CAPRIN1: variants seen among roughly 807,000 people sequenced by gnomAD.
CAPRIN1 encodes the protein caprin-1.
Under a neutral mutation model 100.9 loss-of-function variants are expected in CAPRIN1, and 29 were observed. That is an observed-to-expected ratio of 0.29 (90% CI 0.21 to 0.39). The LOEUF (loss-of-function observed/expected upper bound fraction) is 0.39. Among genes scored for constraint, CAPRIN1 ranks in the 10% least tolerant of loss-of-function variants. The pLI is 1.00. For synonymous variants in CAPRIN1, 338 were observed against 307.5 expected (o/e 1.10, Z -1.04); for missense variants, 795 against 876.7 (o/e 0.91, Z 1.18).
At chr11:34,062,340 A>G (rs1174536319) in intron 2 of CAPRIN1, among the ~76,000 whole-genome samples, 4 of 152,084 alleles carry the variant, frequency 2.6e-5, no homozygotes, top group Non-Finnish European at 2.9e-5. Flanking sequence ...ACTGGTAAAG[A>G]TTGGACCGGG....
At chr11:34,098,858 G>T (rs1371930236) in intron 18 of CAPRIN1, 1 of 988,678 alleles carries the variant, frequency 1.0e-6, no homozygotes, top group Non-Finnish European at 1.2e-6. Context: ...AGGTAATAAG[G>T]TCTGTTTTCA....
chr11:34,059,270 G>GTTTT (rs776890676), intron 2 of CAPRIN1, among the ~76,000 whole-genome samples: 3 of 137,494 alleles, frequency 2.2e-5, no homozygotes, highest in African/African-American at 8.0e-5. Flanking sequence ...TCTTGACATT[G>GTTTT]TTTTTTTTTT....
chr11:34,071,819 T>G, intron 3 of CAPRIN1, 31 bp downstream of exon 3: 1 of 1,577,802 alleles, frequency 6.3e-7, no homozygotes, highest in Non-Finnish European at 8.7e-7. Context: ...ATTTTAGACC[T>G]AATGCTCACT....
At chr11:34,075,794 T>C (rs1326437897) in intron 4 of CAPRIN1, among the ~76,000 whole-genome samples, 1 of 152,212 alleles carries the variant, frequency 6.6e-6, no homozygotes, top group Non-Finnish European at 1.5e-5. Context: ...ATTCATTAAA[T>C]TTTTACTTTT....
intron 2 of CAPRIN1, among the ~76,000 whole-genome samples, chr11:34,064,507 C>T (rs1218923417): frequency 2.0e-5 from 3 of 152,182 alleles, no homozygotes; most frequent in Non-Finnish European, 4.4e-5. Context: ...TATCCTTTTC[C>T]TTATCATGGA....
At chr11:34,088,829 G>A (rs970398056) in intron 11 of CAPRIN1, among the ~76,000 whole-genome samples, 7 of 152,136 alleles carry the variant, frequency 4.6e-5, no homozygotes, top group African/African-American at 1.4e-4. Flanking sequence ...GAAAAAACAA[G>A]ATGAAACCAA....
chr11:34,065,153 A>G (rs572839975), intron 2 of CAPRIN1, among the ~76,000 whole-genome samples: 38 of 151,824 alleles, frequency 2.5e-4, no homozygotes, highest in South Asian at 1.0e-3. Context: ...TAGTAGAGAC[A>G]GGGTTTCACC....
chr11:34,087,065 A>G (rs1851160377), intron 11 of CAPRIN1, among the ~76,000 whole-genome samples: 1 of 152,226 alleles, frequency 6.6e-6, no homozygotes, highest in African/African-American at 2.4e-5. Flanking sequence ...TTGAAGTAGT[A>G]GCACTAAATA....
chr11:34,091,131 G>A (rs1851255086), intron 14 of CAPRIN1, among the ~76,000 whole-genome samples: 1 of 152,130 alleles, frequency 6.6e-6, no homozygotes, highest in Non-Finnish European at 1.5e-5. Context: ...ACTATAATCT[G>A]TGGGGTGCAG....
chr11:34,098,945 T>A, intron 18 of CAPRIN1: 5 of 1,100,746 alleles, frequency 4.5e-6, no homozygotes, highest in Non-Finnish European at 5.6e-6. Flanking sequence ...CACTAGAATG[T>A]AAGCTCCATG....
At chr11:34,087,222 T>C (rs574352895) in intron 11 of CAPRIN1, among the ~76,000 whole-genome samples, 103 of 152,334 alleles carry the variant, frequency 6.8e-4, no homozygotes, top group African/African-American at 2.4e-3. Flanking sequence ...TTGCATGATG[T>C]TAAATATCAT....
chr11:34,097,095 C>G (rs1451565606), intron 16 of CAPRIN1, 101 bp from the exon 17 acceptor site: 1 of 798,636 alleles, frequency 1.3e-6, no homozygotes, highest in Non-Finnish European at 2.1e-6. Context: ...GATTAACTAG[C>G]CTGGCTTATA....
rs1363798863 is a variant in CAPRIN1 at position 34,052,273 on chromosome 11, C to T, written c.1-148C>T. On this transcript the variant is annotated intron_variant, in intron 1 of 18. Transcript: ENST00000341394. ...CGCGCGCCCGCGCACTCTTCCTGCC[C>T]TCGAGGCGCGCCGCGCCCCCTCCCC... The T allele has an allele frequency of 3.2e-5, 21 of 662,568 alleles. No homozygotes were observed. The South Asian group carries it at 3.6e-4, about 11-fold the overall frequency. 41.0% of individuals were successfully genotyped at this position (662,568 alleles called of 1,614,324 possible).
chr11:34,072,503 A>G (rs533760437), intron 4 of CAPRIN1, among the ~76,000 whole-genome samples: 2 of 152,312 alleles, frequency 1.3e-5, no homozygotes, highest in African/African-American at 4.8e-5. Flanking sequence ...CCTTATGTCT[A>G]ATGACTCACA....
intron 5 of CAPRIN1, 32 bp downstream of exon 5, chr11:34,076,506 G>A (rs769963374): frequency 6.2e-7 from 1 of 1,606,840 alleles, no homozygotes; most frequent in East Asian, 2.2e-5. Context: ...AGAAACTTCT[G>A]AGTATTTAAG....
chr11:34,092,595 C>T (rs936270143), intron 15 of CAPRIN1, among the ~76,000 whole-genome samples: 4 of 151,976 alleles, frequency 2.6e-5, no homozygotes, highest in Middle Eastern at 3.2e-3. Flanking sequence ...TCTGAGCTCA[C>T]GTGATCTGCC....
chr11:34,052,618 G>A lies in CAPRIN1; in HGVS notation c.198G>A (p.Arg66=), dbSNP rs1227348323. The change falls in exon 2 of 19, where the codon CGG becomes CGA. Residue 66 remains arginine (R), a synonymous_variant. Coordinates refer to ENST00000341394, the MANE Select transcript of CAPRIN1 (RefSeq NM_005898.5). ...QILGVIDKKL[R]NLEKKKGKLD... ...TCGGGGTGATCGACAAGAAACTTCG[G>A]AACCTGGAGAAGAAAAAGGTGCCAG... 1 of 1,609,504 alleles carries A rather than the reference G, an allele frequency of 6.2e-7. No individual in the cohort carries two copies. Among genetic ancestry groups the A allele is most frequent in the Non-Finnish European group, 8.5e-7 (1 of 1,178,402 alleles).
At chr11:34,066,522 C>T (rs1490967609) in intron 2 of CAPRIN1, among the ~76,000 whole-genome samples, 5 of 151,484 alleles carry the variant, frequency 3.3e-5, no homozygotes, top group African/African-American at 1.2e-4. Flanking sequence ...TTAGTAGAGA[C>T]GGGGTTTCAC....
intron 18 of CAPRIN1, 164 bp from the exon 19 acceptor site, chr11:34,099,139 A>T (rs1851416259): frequency 1.4e-6 from 2 of 1,442,280 alleles, no homozygotes; most frequent in Non-Finnish European, 1.8e-6. Flanking sequence ...TGCGCATGAC[A>T]ACTTCCAGGA....
Sources: gnomAD v4.1 joint callset for allele counts (sites outside exome capture counted in the v4.1 genomes callset) on GRCh38, gnomAD v4.1.1 for gene constraint, MANE v1.5 for transcripts, NCBI Gene and HGNC (gene_info 2026-07-23, HGNC 2026-07-21) for gene names.